The following SLC30A8 variants were observed in gnomAD, a reference collection of about 807,000 sequenced individuals.
The protein encoded by SLC30A8 is proton-coupled zinc antiporter SLC30A8.
Under a neutral mutation model 36.9 loss-of-function variants are expected in SLC30A8, and 27 were observed. The observed-to-expected ratio is 0.73, with a 90% CI of 0.54 to 1.01. SLC30A8 has a LOEUF of 1.01. SLC30A8 is among the 50% of genes least tolerant of loss of function. The pLI is 0.00. For synonymous variants in SLC30A8, 164 were observed against 172.4 expected (o/e 0.95, Z 0.38); for missense variants, 439 against 452.0 (o/e 0.97, Z 0.26).
intron 1 of SLC30A8, among the ~76,000 whole-genome samples, chr8:116,995,962 A>C (rs758818822): frequency 3.9e-5 from 6 of 152,182 alleles, no homozygotes; most frequent in Non-Finnish European, 7.3e-5. Flanking sequence ...TCTCCAGCAC[A>C]AGCACCATCC....
intron 3 of SLC30A8, among the ~76,000 whole-genome samples, chr8:117,156,044 C>CTT (rs35034776): frequency 1.4e-4 from 21 of 147,016 alleles, no homozygotes; most frequent in South Asian, 6.5e-4. Flanking sequence ...AAGATTAGTA[C>CTT]TTTTTTTTTT....
At chr8:117,034,885 AAGAG>A (rs1285418822) in intron 1 of SLC30A8, among the ~76,000 whole-genome samples, 1 of 152,034 alleles carries the variant, frequency 6.6e-6, no homozygotes. Context: ...AACAGACAGA[AAGAG>A]AGAGAGAGTA....
intron 1 of SLC30A8, among the ~76,000 whole-genome samples, chr8:116,999,854 A>G (rs1442089532): frequency 6.6e-6 from 1 of 152,208 alleles, no homozygotes; most frequent in African/African-American, 2.4e-5. Context: ...TAAAAAATTA[A>G]TAAACAGATA....
At chr8:117,116,597 G>A (rs1820456529) in intron 2 of SLC30A8, among the ~76,000 whole-genome samples, 1 of 151,938 alleles carries the variant, frequency 6.6e-6, no homozygotes, top group South Asian at 2.1e-4. Context: ...GGTGTGTCTG[G>A]ATTTTATATA....
intron 1 of SLC30A8, among the ~76,000 whole-genome samples, chr8:117,034,593 G>T (rs943131445): frequency 2.6e-5 from 4 of 152,172 alleles, no homozygotes; most frequent in African/African-American, 7.2e-5. Flanking sequence ...TGCTAGAGCT[G>T]GGGTTTGAAC....
intron 1 of SLC30A8, among the ~76,000 whole-genome samples, chr8:116,970,964 G>A (rs1209119685): frequency 6.6e-6 from 1 of 152,074 alleles, no homozygotes; most frequent in African/African-American, 2.4e-5. Flanking sequence ...TTGTAGTGGT[G>A]CATGCCTGTA....
chr8:117,040,019 T>A (rs555195388), intron 2 of SLC30A8, among the ~76,000 whole-genome samples: 70 of 152,356 alleles, frequency 4.6e-4, no homozygotes, highest in African/African-American at 1.3e-3. Flanking sequence ...TCAAGTTCAC[T>A]GTTTTTCTTC....
intron 1 of SLC30A8, among the ~76,000 whole-genome samples, chr8:117,024,991 G>A (rs2130730443): frequency 6.6e-6 from 1 of 152,144 alleles, no homozygotes; most frequent in Non-Finnish European, 1.5e-5. Context: ...CCAGTGTGTA[G>A]CATTATTAAA....
rs116666181 is a variant in SLC30A8 at position 117,020,945 on chromosome 8, G to A, written c.-265-18274G>A. Among the ~76,000 whole-genome samples, 973 of 152,266 alleles carry A rather than the reference G, an allele frequency of 6.4e-3. 16 individuals are homozygous for A. The highest frequency in any genetic ancestry group is 0.022 in the African/African-American group (919 of 41,550). On this transcript the variant is annotated intron_variant, in intron 1 of 10. Transcript: ENST00000427715. ...GACTGCAGTGGTATTCGTCGGAATG[G>A]AAAAGAAGATGGAGAAAAGGGAGAG... is the stretch of plus-strand genomic sequence containing the variant.
chr8:116,981,952 T>C (rs556190697), intron 1 of SLC30A8, among the ~76,000 whole-genome samples: 1 of 152,322 alleles, frequency 6.6e-6, no homozygotes, highest in African/African-American at 2.4e-5. Flanking sequence ...ATTGCTGGGT[T>C]GAATGGTAAT....
intron 1 of SLC30A8, among the ~76,000 whole-genome samples, chr8:116,974,773 A>G (rs985348539): frequency 6.6e-6 from 1 of 152,138 alleles, no homozygotes; most frequent in Non-Finnish European, 1.5e-5. Flanking sequence ...AATAACAGAG[A>G]CGTAGAACCA....
At position 117,110,938 on chromosome 8, in the gene SLC30A8, T is replaced by C. The variant is rs563959037; in HGVS notation, c.-225-24342T>C. Reference sequence around the variant, plus strand: ...TAGCCTTAAAACAGGAAAGCATTAATTGTAGGCAAGTCCATGAAAAGGTAG... The same window carrying C: ...TAGCCTTAAAACAGGAAAGCATTAACTGTAGGCAAGTCCATGAAAAGGTAG... On this transcript the variant is annotated intron_variant, in intron 2 of 10. Coordinates refer to the SLC30A8 transcript ENST00000427715. Among the ~76,000 whole-genome samples, 3 of 152,172 alleles carry C rather than the reference T, an allele frequency of 2.0e-5. No homozygotes were observed. In the South Asian group the frequency reaches 6.2e-4, roughly 32 times the overall value.
intron 1 of SLC30A8, among the ~76,000 whole-genome samples, chr8:116,987,253 C>T (rs1033633562): frequency 3.9e-5 from 5 of 129,816 alleles, no homozygotes; most frequent in Non-Finnish European, 7.6e-5. Context: ...AACATGGACA[C>T]AGGAAGGGGA....
intron 2 of SLC30A8, among the ~76,000 whole-genome samples, chr8:117,072,775 A>G (rs2130800966): frequency 6.6e-6 from 1 of 152,166 alleles, no homozygotes; most frequent in South Asian, 2.1e-4. Context: ...CATCTTCATA[A>G]GCCAATAGCA....
At chr8:117,157,579 A>G (rs1822560347) in intron 3 of SLC30A8, 112 bp from the exon 4 acceptor site, 1 of 1,178,272 alleles carries the variant, frequency 8.5e-7, no homozygotes, top group East Asian at 2.4e-5. Context: ...TGGATGAACT[A>G]ATGTGAAGCC....
At chr8:117,069,466 A>G (rs1009711148) in intron 2 of SLC30A8, among the ~76,000 whole-genome samples, 1 of 152,188 alleles carries the variant, frequency 6.6e-6, no homozygotes, top group African/African-American at 2.4e-5. Flanking sequence ...TGACTGTATT[A>G]TGGGAAAGAA....
intron 1 of SLC30A8, among the ~76,000 whole-genome samples, chr8:117,138,526 C>T (rs1197960489): frequency 6.6e-6 from 1 of 151,874 alleles, no homozygotes; most frequent in Non-Finnish European, 1.5e-5. Flanking sequence ...ATAGTTCACC[C>T]CTAGAGCAAA....
chr8:117,056,344 T>A (rs1817870092), intron 2 of SLC30A8, among the ~76,000 whole-genome samples: 1 of 152,108 alleles, frequency 6.6e-6, no homozygotes, highest in African/African-American at 2.4e-5. Context: ...TCACTTTCCA[T>A]CACCACAGCA....
chr8:117,167,640 A>G (rs1032811241), intron 6 of SLC30A8, among the ~76,000 whole-genome samples: 1 of 152,036 alleles, frequency 6.6e-6, no homozygotes, highest in African/African-American at 2.4e-5. Flanking sequence ...ACATAGATAT[A>G]CCCCATTCTT....
Sources: allele counts gnomAD v4.1 joint callset (sites outside exome capture counted in the v4.1 genomes callset), GRCh38; gene constraint gnomAD v4.1.1; transcripts MANE v1.5; gene names NCBI Gene and HGNC (gene_info 2026-07-23, HGNC 2026-07-21).